The following FRMD4A variants were observed in gnomAD, a reference collection of about 807,000 sequenced individuals.
The protein encoded by FRMD4A is FERM domain containing 4A, also known as FERM domain-containing protein 4A.
Under a neutral mutation model 129.1 loss-of-function variants are expected in FRMD4A, and 29 were observed. The observed-to-expected ratio is 0.22, with a 90% CI of 0.17 to 0.31. The LOEUF is 0.31. Ranked by LOEUF, FRMD4A falls within the 10% of genes least tolerant of loss-of-function variation. The probability of loss-of-function intolerance (pLI) is 1.00; values close to 1 mark genes in which losing one functional copy is unlikely to be tolerated. For synonymous variants in FRMD4A, 634 were observed against 571.6 expected, an observed-to-expected ratio of 1.11 and a Z score of -1.56; for missense variants, 1,272 against 1,375.8, an observed-to-expected ratio of 0.92 and a Z score of 1.19.
At chr10:14,279,182 A>ATTTTTTTTTTT (rs1223887250) in intron 2 of FRMD4A, among the ~76,000 whole-genome samples, 7 of 99,622 alleles carry the variant, frequency 7.0e-5, no homozygotes, top group Non-Finnish European at 9.6e-5. Context: ...AGGAAGCGGG[A>ATTTTTTTTTTT]TTTTTTTTTT....
chr10:14,329,980 A>G lies in FRMD4A; in HGVS notation c.45+78T>C, dbSNP rs1390180638. On this transcript the variant is annotated intron_variant, in intron 2 of 24. Coordinates refer to ENST00000357447, the MANE Select transcript of FRMD4A (RefSeq NM_018027.5). ...TGTTGAACATGTCTGCAGCCACTGC[A>G]GCGGCAGCAGCAGCCCACGGTGCAG... The G allele has an allele frequency of 4.6e-6, 6 of 1,317,682 alleles. No individual in the cohort carries two copies. In the African/African-American group the frequency reaches 7.3e-5, roughly 16 times the overall value. The allele number at this position is 1,317,682 out of a possible 1,614,324, so 81.6% of individuals were successfully genotyped here.
intron 2 of FRMD4A, among the ~76,000 whole-genome samples, chr10:14,139,855 T>G (rs1839745889): frequency 6.6e-6 from 1 of 152,226 alleles, no homozygotes; most frequent in African/African-American, 2.4e-5. Context: ...CTATGAATTT[T>G]CTACATATAA....
chr10:13,789,750 C>T (rs1376419721), intron 5 of FRMD4A, among the ~76,000 whole-genome samples: 6 of 139,094 alleles, frequency 4.3e-5, no homozygotes, highest in Non-Finnish European at 6.2e-5. Context: ...CATATATTGA[C>T]CGCTGCTGGC....
chr10:14,222,150 A>T (rs1430009995), intron 2 of FRMD4A, among the ~76,000 whole-genome samples: 1 of 152,148 alleles, frequency 6.6e-6, no homozygotes, highest in Non-Finnish European at 1.5e-5. Flanking sequence ...TTCAAATGAG[A>T]CTCAATCTGG....
chr10:13,689,535 T>TAGA (rs10641878), intron 15 of FRMD4A, among the ~76,000 whole-genome samples: 146,116 of 148,980 alleles, frequency 0.98, 71,706 homozygotes, highest in Middle Eastern at 1. Flanking sequence ...TCTAGGAACA[T>TAGA]AGATTAGAAG....
chr10:13,686,970 C>T (rs2085142247), intron 15 of FRMD4A, among the ~76,000 whole-genome samples: 1 of 152,178 alleles, frequency 6.6e-6, no homozygotes, highest in South Asian at 2.1e-4. Flanking sequence ...ACTAACTCTC[C>T]TAACTCCCAT....
At chr10:13,868,796 C>T (rs962838238) in intron 2 of FRMD4A, among the ~76,000 whole-genome samples, 2 of 151,926 alleles carry the variant, frequency 1.3e-5, no homozygotes, top group Non-Finnish European at 2.9e-5. Context: ...GAGATCCTGT[C>T]TCAAAAAACA....
At chr10:14,024,150 T>C (rs780805988) in intron 2 of FRMD4A, among the ~76,000 whole-genome samples, 1 of 152,226 alleles carries the variant, frequency 6.6e-6, no homozygotes, top group Non-Finnish European at 1.5e-5. Context: ...TTAATCTGCA[T>C]GGACTATTCT....
intron 12 of FRMD4A, among the ~76,000 whole-genome samples, chr10:13,731,771 A>G (rs1020017841): frequency 6.6e-6 from 1 of 151,868 alleles, no homozygotes; most frequent in Admixed American, 6.6e-5. Context: ...AGGTGCATGC[A>G]TTGTAGATTC....
chr10:13,845,676 G>A (rs1421376618), intron 3 of FRMD4A, among the ~76,000 whole-genome samples: 1 of 152,142 alleles, frequency 6.6e-6, no homozygotes, highest in African/African-American at 2.4e-5. Flanking sequence ...GACAGTCTTG[G>A]GGGCGCTTCA....
rs78816494 is a variant in FRMD4A at position 14,056,998 on chromosome 10, C to T, written c.46-198086G>A. On this transcript the variant is annotated intron_variant, in intron 2 of 24. Coordinates refer to ENST00000357447, the MANE Select transcript of FRMD4A (RefSeq NM_018027.5). The stretch of plus-strand genomic sequence containing the variant: ...GGTCTGGCAGGCTATGTTTTTCTCA[C>T]AAAACCTTGAAGCCTGAGTCAGTGG... Among the ~76,000 whole-genome samples the T allele has an allele frequency of 2.6e-3, 389 of 152,308 alleles. 2 individuals carry two copies. Among genetic ancestry groups the T allele is most frequent in the African/African-American group, 9.0e-3 (374 of 41,578 alleles).
In FRMD4A at chr10:13,707,339, C is replaced by A. The variant is rs368878836; in HGVS notation, c.760-226G>T. On this transcript the variant is annotated intron_variant, in intron 12 of 24. Coordinates refer to ENST00000357447, the MANE Select transcript of FRMD4A (RefSeq NM_018027.5). ...GTGGGTGTGGATTTTCCTGCAGGTT[C>A]CTTAACTGGAACAAAACAAGTTCTT... is the stretch of plus-strand genomic sequence containing the variant. 3.0e-4 allele frequency: 371 copies of A among 1,245,396 alleles called. 3 individuals are homozygous for A. The South Asian group carries it at 0.01, about 34-fold the overall frequency. The allele number at this position is 1,245,396 out of a possible 1,614,324, so 77.1% of individuals were successfully genotyped here.
chr10:13,767,977 G>A (rs879460191), intron 6 of FRMD4A, among the ~76,000 whole-genome samples: 10 of 152,136 alleles, frequency 6.6e-5, no homozygotes, highest in Non-Finnish European at 1.5e-4. Context: ...GCCACTGGGT[G>A]TGTACTTTAG....
intron 2 of FRMD4A, among the ~76,000 whole-genome samples, chr10:14,318,418 T>C (rs978054954): frequency 1.3e-5 from 2 of 151,256 alleles, no homozygotes; most frequent in Admixed American, 1.3e-4. Context: ...AAAAACATTA[T>C]TGCCTTTTCA....
At chr10:13,752,761 G>A (rs2091687216) in intron 8 of FRMD4A, among the ~76,000 whole-genome samples, 1 of 152,166 alleles carries the variant, frequency 6.6e-6, no homozygotes, top group South Asian at 2.1e-4. Flanking sequence ...GAGTGTTGCA[G>A]GTCCTTCATC....
chr10:14,188,118 G>A (rs4748091), intron 2 of FRMD4A, among the ~76,000 whole-genome samples: 152,231 of 152,300 alleles, frequency 1, 76,081 homozygotes, highest in East Asian at 1. Flanking sequence ...TCTTTCTTCT[G>A]GTCAGCCTTT....
chr10:14,044,701 G>A (rs1833914843), intron 2 of FRMD4A, among the ~76,000 whole-genome samples: 1 of 152,208 alleles, frequency 6.6e-6, no homozygotes, highest in Non-Finnish European at 1.5e-5. Flanking sequence ...TCTAGACTTG[G>A]GCACTGTGGA....
intron 2 of FRMD4A, among the ~76,000 whole-genome samples, chr10:14,089,635 A>ACAAAAC (rs1380089737): frequency 2.1e-5 from 3 of 142,346 alleles, no homozygotes; most frequent in African/African-American, 8.3e-5. Flanking sequence ...AAAAACAAAA[A>ACAAAAC]AAAACAAACA....
intron 2 of FRMD4A, among the ~76,000 whole-genome samples, chr10:14,129,928 C>T (rs1342508410): frequency 2.6e-5 from 4 of 152,160 alleles, no homozygotes; most frequent in African/African-American, 7.2e-5. Flanking sequence ...GGAGCTGGGG[C>T]GAGATGTTCC....
Sources: gnomAD v4.1 joint callset for allele counts (sites outside exome capture counted in the v4.1 genomes callset) on GRCh38, gnomAD v4.1.1 for gene constraint, MANE v1.5 for transcripts, NCBI Gene and HGNC (gene_info 2026-07-23, HGNC 2026-07-21) for gene names.